HIPK3: variants seen among roughly 807,000 people sequenced by gnomAD.
HIPK3 encodes homeodomain interacting protein kinase 3.
Under a neutral mutation model 124.2 loss-of-function variants are expected in HIPK3, and 47 were observed. That is an observed-to-expected ratio of 0.38 (90% confidence interval 0.30 to 0.48). The LOEUF is 0.48. Ranked by LOEUF, HIPK3 falls within the 20% of genes least tolerant of loss-of-function variation. The pLI, the probability that HIPK3 is intolerant of heterozygous loss-of-function variation, is 0.98. For synonymous variants in HIPK3, 482 were observed against 515.2 expected (o/e 0.94, Z 0.87); for missense variants, 1,286 against 1,454.3 (o/e 0.88, Z 1.88).
upstream of HIPK3, chr11:33,257,202 A>G: frequency 1.0e-6 from 1 of 980,570 alleles, no homozygotes; most frequent in Non-Finnish European, 1.2e-6. Context: ...CCGGGCAACA[A>G]GGGCGCGGCT....
intron 1 of HIPK3, among the ~76,000 whole-genome samples, chr11:33,279,786 C>T (rs1851365148): frequency 6.6e-6 from 1 of 152,146 alleles, no homozygotes; most frequent in South Asian, 2.1e-4. Context: ...GATCAAGGTG[C>T]CAGCAGATTT....
At chr11:33,311,869 C>CACA (rs749157530) in intron 2 of HIPK3, among the ~76,000 whole-genome samples, 3 of 47,008 alleles carry the variant, frequency 6.4e-5, no homozygotes, top group Admixed American at 2.2e-4. Context: ...CACACACACA[C>CACA]TACACACACA....
At chr11:33,265,772 C>A (rs1295064205) in intron 1 of HIPK3, among the ~76,000 whole-genome samples, 1,757 of 64,474 alleles carry the variant, frequency 0.027, 10 homozygotes, top group Middle Eastern at 0.045. Context: ...GACCTTGTCT[C>A]AAAAAAAAAA....
intron 2 of HIPK3, among the ~76,000 whole-genome samples, chr11:33,306,182 A>G (rs1852153950): frequency 1.3e-5 from 2 of 152,184 alleles, no homozygotes; most frequent in Admixed American, 1.3e-4. Context: ...CTTTTACTTA[A>G]TTTTTACGTG....
At chr11:33,259,829 A>G (rs1850777503) in intron 1 of HIPK3, among the ~76,000 whole-genome samples, 1 of 120,692 alleles carries the variant, frequency 8.3e-6, no homozygotes, top group Non-Finnish European at 1.6e-5. Context: ...CTCTTTTCTA[A>G]GAAAAAAGTA....
intron 3 of HIPK3, among the ~76,000 whole-genome samples, chr11:33,331,508 T>TG (rs1305689602): frequency 1.3e-5 from 2 of 152,126 alleles, no homozygotes; most frequent in Non-Finnish European, 2.9e-5. Flanking sequence ...GCCCAGTAGC[T>TG]GGGGATACAG....
At chr11:33,325,886 G>A (rs1852798039) in intron 2 of HIPK3, among the ~76,000 whole-genome samples, 1 of 152,046 alleles carries the variant, frequency 6.6e-6, no homozygotes, top group African/African-American at 2.4e-5. Context: ...TAATTAATGT[G>A]TATACATCCA....
intron 2 of HIPK3, among the ~76,000 whole-genome samples, chr11:33,307,297 C>T (rs547022643): frequency 5.3e-5 from 8 of 151,818 alleles, no homozygotes; most frequent in East Asian, 3.9e-4. Flanking sequence ...TTAATGTGTA[C>T]GAATAGTATG....
At chr11:33,264,821 T>G (rs1162494357) in intron 1 of HIPK3, among the ~76,000 whole-genome samples, 2 of 152,234 alleles carry the variant, frequency 1.3e-5, no homozygotes, top group African/African-American at 4.8e-5. Context: ...ATAACTTTGC[T>G]TATTAAATAT....
chr11:33,337,288 T>G, intron 4 of HIPK3, 94 bp downstream of exon 4: 1 of 602,282 alleles, frequency 1.7e-6, no homozygotes. Flanking sequence ...TACATTTTAC[T>G]ATATTTCTTC....
intron 1 of HIPK3, among the ~76,000 whole-genome samples, chr11:33,284,025 A>G (rs1404676309): frequency 6.6e-6 from 1 of 152,174 alleles, no homozygotes; most frequent in Non-Finnish European, 1.5e-5. Flanking sequence ...ATGATTAGAT[A>G]AAATATTGTA....
chr11:33,283,390 G>A (rs934168298), intron 1 of HIPK3, among the ~76,000 whole-genome samples: 3 of 152,040 alleles, frequency 2.0e-5, no homozygotes, highest in African/African-American at 7.2e-5. Context: ...GATTACAGGC[G>A]TGACCCACCG....
intron 2 of HIPK3, among the ~76,000 whole-genome samples, chr11:33,325,549 T>C (rs961369752): frequency 1.3e-5 from 2 of 152,232 alleles, no homozygotes; most frequent in Admixed American, 6.5e-5. Flanking sequence ...TAGGTTAATA[T>C]ATGCTCTTTA....
chr11:33,308,128 T>C (rs888537257), intron 2 of HIPK3, among the ~76,000 whole-genome samples: 2 of 152,174 alleles, frequency 1.3e-5, no homozygotes, highest in Admixed American at 6.5e-5. Context: ...TTAAGATGCA[T>C]TGTTTTCCCC....
In HIPK3 at chr11:33,333,156, A is replaced by G. The variant is rs531454052; in HGVS notation, c.1222-3919A>G. Among the ~76,000 whole-genome samples the G allele has an allele frequency of 7.2e-5, 11 of 152,278 alleles. No homozygotes were observed. The South Asian group carries it at 1.5e-3, about 20-fold the overall frequency. On this transcript the variant is annotated intron_variant, in intron 3 of 16. Transcript: ENST00000303296. ...TTTGGAGGGGACAAACATTCAAACT[A>G]TATCAGTGGACTATCACAAGGATCT...
chr11:33,302,550 G>A (rs1440132507), intron 2 of HIPK3, among the ~76,000 whole-genome samples: 1 of 151,948 alleles, frequency 6.6e-6, no homozygotes, highest in African/African-American at 2.4e-5. Context: ...TGGCCAGGGT[G>A]GTCTCGAACT....
chr11:33,265,325 G>A (rs910390034), intron 1 of HIPK3, among the ~76,000 whole-genome samples: 11 of 152,160 alleles, frequency 7.2e-5, no homozygotes, highest in Non-Finnish European at 1.5e-4. Context: ...GTATTTTAAA[G>A]TTAGGTAAGA....
intron 15 of HIPK3, 105 bp downstream of exon 15, chr11:33,351,948 C>T (rs751380793): frequency 9.3e-6 from 10 of 1,079,570 alleles, no homozygotes; most frequent in Admixed American, 2.2e-5. Flanking sequence ...TTTGACTTGA[C>T]CCTGCCTTAT....
At position 33,341,028 on chromosome 11, in the gene HIPK3, A is replaced by G; in HGVS notation, c.1674A>G (p.Thr558=). Residue 558 remains threonine, a synonymous_variant, in exon 7 of 17, where the codon ACA becomes ACG. Coordinates refer to ENST00000303296, the MANE Select transcript of HIPK3 (RefSeq NM_005734.5). ...ICKSHLNSCD[T]NNHNKTSLLR... Reference sequence around the variant, plus strand: ...AGTCCCACCTAAATTCATGTGACACAAATAATCACAACAAAACTTCACTTT... The same window carrying G: ...AGTCCCACCTAAATTCATGTGACACGAATAATCACAACAAAACTTCACTTT... 1 of 1,609,404 alleles carries G rather than the reference A, an allele frequency of 6.2e-7. No individual in the cohort carries two copies. The highest frequency in any genetic ancestry group is 8.5e-7 in the Non-Finnish European group (1 of 1,176,038).
Sources: allele counts gnomAD v4.1 joint callset (sites outside exome capture counted in the v4.1 genomes callset), GRCh38; gene constraint gnomAD v4.1.1; transcripts MANE v1.5; gene names NCBI Gene and HGNC (gene_info 2026-07-23, HGNC 2026-07-21).